Variants in GREM2 observed in about 807,000 individuals in gnomAD.
GREM2 encodes the protein gremlin-2.
GREM2 carries 11 observed loss-of-function variants against 14.2 expected under a neutral mutation model. The observed-to-expected ratio is 0.78, with a 90% CI of 0.49 to 1.28. The LOEUF is 1.28. Ranked by LOEUF, GREM2 falls within the 50% of genes most tolerant of loss-of-function variation. The probability of loss-of-function intolerance (pLI) is 0.00; values close to 1 mark genes in which losing one functional copy is unlikely to be tolerated. For missense variants in GREM2, 210 were observed against 218.5 expected, an observed-to-expected ratio of 0.96 and a Z score of 0.24; for synonymous variants, 98 against 97.6, an observed-to-expected ratio of 1.00 and a Z score of -0.02.
chr1:240,608,706 T>C (rs1680078062), intron 1 of GREM2, among the ~76,000 whole-genome samples: 1 of 152,244 alleles, frequency 6.6e-6, no homozygotes, highest in South Asian at 2.1e-4. Context: ...TGAAATATGC[T>C]GCTGCTTTTC....
chr1:240,538,076 G>A (rs1348412224), intron 1 of GREM2, among the ~76,000 whole-genome samples: 1 of 152,152 alleles, frequency 6.6e-6, no homozygotes, highest in Non-Finnish European at 1.5e-5. Flanking sequence ...TCAAAGTAAT[G>A]ACAGTCAATA....
chr1:240,564,237 G>A (rs911517618), intron 1 of GREM2, among the ~76,000 whole-genome samples: 5 of 151,296 alleles, frequency 3.3e-5, no homozygotes, highest in African/African-American at 1.2e-4. Flanking sequence ...TGGGTGTGGT[G>A]GCTCACGCCT....
intron 1 of GREM2, among the ~76,000 whole-genome samples, chr1:240,527,105 G>A (rs773409726): frequency 5.9e-5 from 9 of 152,208 alleles, no homozygotes; most frequent in East Asian, 1.9e-4. Context: ...CACAGGGTAC[G>A]TTGTCAATGT....
At position 240,493,491 on chromosome 1, in the gene GREM2, A is replaced by G. The variant is rs781130897; in HGVS notation, c.-1-15T>C. The G allele has an allele frequency of 2.5e-6, 4 of 1,590,224 alleles. No homozygotes were observed. The South Asian group carries it at 4.5e-5, about 18-fold the overall frequency. ...TCCAGAACATCCTGCAAACGAGAAA[A>G]GAGAGGGGCTGGCTGTGAAGGGCCG... On this transcript the variant is annotated splice_polypyrimidine_tract_variant and intron_variant, in intron 1 of 1. Coordinates refer to ENST00000318160, the MANE Select transcript of GREM2 (RefSeq NM_022469.4).
chr1:240,603,889 T>G (rs1234685620), intron 1 of GREM2, among the ~76,000 whole-genome samples: 1 of 151,818 alleles, frequency 6.6e-6, no homozygotes, highest in Non-Finnish European at 1.5e-5. Flanking sequence ...TCATGGAATA[T>G]CCAAGGAGGC....
At position 240,565,904 on chromosome 1, in the gene GREM2, T is replaced by G. The variant is rs1046268660; in HGVS notation, c.-2+45980A>C. Among the ~76,000 whole-genome samples, 8 of 151,872 alleles carry G rather than the reference T, an allele frequency of 5.3e-5. No individual in the cohort carries two copies. The East Asian group carries it at 1.2e-3, about 22-fold the overall frequency. On this transcript the variant is annotated intron_variant, in intron 1 of 1. Transcript: ENST00000318160. ...TTCAGTTATTCCTATTTATTGTATC[T>G]TCCATAAACTCAATTATTTTACAGT...
intron 1 of GREM2, among the ~76,000 whole-genome samples, chr1:240,578,053 TTTG>T (rs1037844641): frequency 3.9e-5 from 6 of 152,102 alleles, no homozygotes; most frequent in Non-Finnish European, 5.9e-5. Flanking sequence ...ATTACTGTTT[TTTG>T]TTGTTGTTGT....
chr1:240,532,187 G>C (rs959658959), intron 1 of GREM2, among the ~76,000 whole-genome samples: 2 of 151,978 alleles, frequency 1.3e-5, no homozygotes, highest in East Asian at 3.9e-4. Context: ...AGGTTCAAGT[G>C]ATTCTCCTGC....
At chr1:240,562,708 C>CGTGT (rs10643403) in intron 1 of GREM2, among the ~76,000 whole-genome samples, 213 of 150,498 alleles carry the variant, frequency 1.4e-3, no homozygotes, top group Middle Eastern at 3.4e-3. Context: ...ACAGGATTGC[C>CGTGT]GTGTGTGTGT....
At chr1:240,507,419 C>T (rs763376479) in intron 1 of GREM2, among the ~76,000 whole-genome samples, 2 of 152,224 alleles carry the variant, frequency 1.3e-5, no homozygotes, top group Non-Finnish European at 2.9e-5. Flanking sequence ...CAACCTCCGC[C>T]TCCTGGGTTC....
intron 1 of GREM2, among the ~76,000 whole-genome samples, chr1:240,506,459 A>T (rs1677678602): frequency 1.3e-5 from 2 of 152,302 alleles, no homozygotes; most frequent in South Asian, 4.1e-4. Flanking sequence ...CTTTATTGAC[A>T]ACTGATGCTG....
At chr1:240,519,095 A>G (rs1213838509) in intron 1 of GREM2, among the ~76,000 whole-genome samples, 3 of 152,220 alleles carry the variant, frequency 2.0e-5, no homozygotes, top group Non-Finnish European at 4.4e-5. Context: ...AAAAGCAAAT[A>G]TTTTTGGAAG....
chr1:240,604,313 G>C lies in GREM2; in HGVS notation c.-2+7571C>G, dbSNP rs1679986395. Among the ~76,000 whole-genome samples the C allele has an allele frequency of 4.3e-5, 4 of 93,558 alleles. No individual in the cohort carries two copies. The South Asian group carries it at 1.7e-3, about 40-fold the overall frequency. 61.4% of individuals were successfully genotyped at this position (93,558 alleles called of 152,430 possible). ...CAGCTTTATATAACTATACGTATGTGTGTGTGTGTGTGTGTGTGTGTGTGT... is the reference window on the plus strand; with the variant it reads ...CAGCTTTATATAACTATACGTATGTCTGTGTGTGTGTGTGTGTGTGTGTGT... On this transcript the variant is annotated intron_variant, in intron 1 of 1. Transcript: ENST00000318160.
At chr1:240,561,198 T>C (rs539567852) in intron 1 of GREM2, among the ~76,000 whole-genome samples, 4 of 152,286 alleles carry the variant, frequency 2.6e-5, no homozygotes, top group South Asian at 4.1e-4. Context: ...AAGTACTATA[T>C]AATCTGTCAT....
chr1:240,498,921 T>C (rs1394602562), intron 1 of GREM2, among the ~76,000 whole-genome samples: 1 of 152,230 alleles, frequency 6.6e-6, no homozygotes, highest in Non-Finnish European at 1.5e-5. Context: ...GCTGATGGTC[T>C]AAGCAGACTG....
intron 1 of GREM2, among the ~76,000 whole-genome samples, chr1:240,586,428 T>C (rs1679601060): frequency 6.6e-6 from 1 of 152,214 alleles, no homozygotes; most frequent in South Asian, 2.1e-4. Context: ...TCTCACTGAG[T>C]GACCTTAAAG....
At chr1:240,493,547 T>TA in intron 1 of GREM2, 71 bp from the exon 2 acceptor site, 2 of 1,437,428 alleles carry the variant, frequency 1.4e-6, no homozygotes, top group Non-Finnish European at 1.8e-6. Flanking sequence ...ACTTATTTTT[T>TA]TTTTTATTTT....
At chr1:240,554,873 G>C (rs116591476) in intron 1 of GREM2, among the ~76,000 whole-genome samples, 2,191 of 152,264 alleles carry the variant, frequency 0.014, 60 homozygotes, top group African/African-American at 0.051. Context: ...GGTGGGTGCG[G>C]TGGCTCACGC....
chr1:240,530,437 A>G (rs938516137), intron 1 of GREM2: 1 of 152,168 alleles, frequency 6.6e-6, no homozygotes, highest in African/African-American at 2.4e-5. Flanking sequence ...AAACCAAGCT[A>G]TTCTCCAGAT....
Sources: gnomAD v4.1 joint callset for allele counts (sites outside exome capture counted in the v4.1 genomes callset) on GRCh38, gnomAD v4.1.1 for gene constraint, MANE v1.5 for transcripts, NCBI Gene and HGNC (gene_info 2026-07-23, HGNC 2026-07-21) for gene names.